Variants in HTN1 observed in about 807,000 individuals in gnomAD.
HTN1 encodes histatin-1.
In HTN1, 18 loss-of-function variants were observed where a neutral mutation model predicts 11.2. That is an observed-to-expected ratio of 1.61 (90% CI 1.12 to 2.39). The LOEUF (loss-of-function observed/expected upper bound fraction) is 2.39, where lower values mean the gene tolerates loss of function less well. HTN1 is among the 30% of genes most tolerant of loss of function. The pLI is 0.00. For synonymous variants in HTN1, 21 were observed against 20.5 expected (o/e 1.02, Z -0.07); for missense variants, 80 against 67.2 (o/e 1.19, Z -0.67).
intron 1 of HTN1, among the ~76,000 whole-genome samples, chr4:70,052,062 A>C (rs1307165600): frequency 6.6e-6 from 1 of 152,186 alleles, no homozygotes; most frequent in African/African-American, 2.4e-5. Context: ...GCATATACAT[A>C]ATTATAAAAG....
chr4:70,058,451 G>T (rs899930707), intron 5 of HTN1, 129 bp from the exon 6 acceptor site: 8 of 152,076 alleles, frequency 5.3e-5, no homozygotes, highest in Non-Finnish European at 8.8e-5. Flanking sequence ...ATATCAAATA[G>T]TATTTTGGTC....
At chr4:70,057,559 C>T (rs558946365) in intron 5 of HTN1, 33 of 152,236 alleles carry the variant, frequency 2.2e-4, no homozygotes, top group African/African-American at 7.9e-4. Flanking sequence ...AGCTTCTGTT[C>T]ACCAGTGTTA....
At chr4:70,053,184 C>T (rs1725944173) in intron 2 of HTN1, 57 bp downstream of exon 2, 1 of 1,134,210 alleles carries the variant, frequency 8.8e-7, no homozygotes, top group Non-Finnish European at 1.3e-6. Context: ...CCAAGTGTCT[C>T]TCTTATTCCT....
chr4:70,053,014 T>C (rs536767209), intron 1 of HTN1, 50 bp from the exon 2 acceptor site: 1 of 1,073,584 alleles, frequency 9.3e-7, no homozygotes, highest in African/African-American at 1.6e-5. Context: ...GTTTGATGAA[T>C]GAATGCATGA....
intron 4 of HTN1, among the ~76,000 whole-genome samples, chr4:70,055,216 G>T (rs1726005920): frequency 6.6e-6 from 1 of 151,964 alleles, no homozygotes; most frequent in Non-Finnish European, 1.5e-5. Flanking sequence ...TTTTAAAGAA[G>T]ATTTGAACCC....
At chr4:70,050,823 G>C (rs1185222496) in intron 1 of HTN1, among the ~76,000 whole-genome samples, 1 of 151,936 alleles carries the variant, frequency 6.6e-6, no homozygotes, top group Non-Finnish European at 1.5e-5. Flanking sequence ...ATGCAGATTT[G>C]TTGCATTGGT....
intron 1 of HTN1, among the ~76,000 whole-genome samples, chr4:70,052,034 A>G (rs13148839): frequency 0.52 from 78,401 of 151,956 alleles, 20,985 homozygotes; most frequent in East Asian, 0.64. Flanking sequence ...TATATCTGCA[A>G]AGGAACTGGA....
intron 1 of HTN1, among the ~76,000 whole-genome samples, chr4:70,051,187 A>G (rs2109724830): frequency 6.6e-6 from 1 of 152,278 alleles, no homozygotes; most frequent in East Asian, 1.9e-4. Flanking sequence ...TCTCTTGGTA[A>G]ATATATTATT....
At chr4:70,057,654 C>T (rs1480295870) in intron 5 of HTN1, 3 of 152,032 alleles carry the variant, frequency 2.0e-5, no homozygotes, top group African/African-American at 4.8e-5. Flanking sequence ...GTTTTCTAAT[C>T]GACAAATACA....
In HTN1 at chr4:70,058,802, A is replaced by G. The variant is rs1037257843; in HGVS notation, c.*256A>G. ...GTTTTCACTGCTGTTTCTGAGTAAT[A>G]GAAATTCATTCCTCTCCAAAAGCAA... On this transcript the variant is annotated 3_prime_UTR_variant, in exon 6 of 6. Coordinates refer to ENST00000246896, the MANE Select transcript of HTN1 (RefSeq NM_002159.4). 6.6e-6 allele frequency: 1 copy of G among 152,196 alleles called. No homozygotes were observed. Among genetic ancestry groups the G allele is most frequent in the African/African-American group, 2.4e-5 (1 of 41,462 alleles). The allele number at this position is 152,196 out of a possible 1,614,324, so 9.4% of individuals were successfully genotyped here.
intron 4 of HTN1, among the ~76,000 whole-genome samples, chr4:70,054,727 A>G (rs1276023446): frequency 6.6e-6 from 1 of 152,036 alleles, no homozygotes; most frequent in Non-Finnish European, 1.5e-5. Flanking sequence ...CATTGACCTA[A>G]AGAATAGTTG....
At chr4:70,057,386 A>C (rs986994385) in intron 5 of HTN1, 18 of 151,408 alleles carry the variant, frequency 1.2e-4, no homozygotes, top group African/African-American at 4.4e-4. Context: ...GATGGAGGGG[A>C]GGGAGTAAGG....
intron 1 of HTN1, among the ~76,000 whole-genome samples, 153 bp downstream of exon 1, chr4:70,050,648 G>C: frequency 6.6e-6 from 1 of 151,914 alleles, no homozygotes; most frequent in East Asian, 1.9e-4. Flanking sequence ...TTACATTTTT[G>C]TATATTACCT....
chr4:70,052,998 A>G (rs1449949138), intron 1 of HTN1, 66 bp from the exon 2 acceptor site: 29 of 960,556 alleles, frequency 3.0e-5, no homozygotes, highest in African/African-American at 4.8e-5. Flanking sequence ...AGTGTCATCA[A>G]TAGAAGTTTG....
intron 1 of HTN1, among the ~76,000 whole-genome samples, chr4:70,051,416 T>C (rs1219931373): frequency 1.3e-5 from 2 of 152,164 alleles, no homozygotes; most frequent in Non-Finnish European, 2.9e-5. Context: ...TTTTTATTGA[T>C]GTGTTACTTG....
At chr4:70,056,718 TG>T (rs1726052482) in intron 5 of HTN1, 1 of 152,020 alleles carries the variant, frequency 6.6e-6, no homozygotes, top group African/African-American at 2.4e-5. Flanking sequence ...CATCTAAAAG[TG>T]GGCAAAGGAC....
chr4:70,055,481 CT>C lies in HTN1; in HGVS notation c.103-13del. Reference sequence around the variant, plus strand: ...TCTATTCTCTGCAATTTGCTCTCTCCTTTTGTGTGTATGCAGGAAAAGCATC... The same window carrying C: ...TCTATTCTCTGCAATTTGCTCTCTCCTTTGTGTGTATGCAGGAAAAGCATC... On this transcript the variant is annotated splice_polypyrimidine_tract_variant and intron_variant, in intron 4 of 5. Coordinates refer to ENST00000246896, the MANE Select transcript of HTN1 (RefSeq NM_002159.4). The C allele has an allele frequency of 6.4e-7, 1 of 1,558,672 alleles. No homozygotes were observed. Among genetic ancestry groups the C allele is most frequent in the Non-Finnish European group, 8.8e-7 (1 of 1,130,640 alleles).
At chr4:70,052,476 CCT>C (rs1451957302) in intron 1 of HTN1, among the ~76,000 whole-genome samples, 2 of 152,084 alleles carry the variant, frequency 1.3e-5, no homozygotes, top group African/African-American at 4.8e-5. Context: ...AACATGCTTT[CCT>C]CTCTGTTTTA....
intron 2 of HTN1, 84 bp downstream of exon 2, chr4:70,053,211 C>T: frequency 2.3e-6 from 2 of 861,296 alleles, no homozygotes; most frequent in Non-Finnish European, 3.9e-6. Context: ...CTGGTATATA[C>T]TCATGTTGAC....
Sources: allele counts gnomAD v4.1 joint callset (sites outside exome capture counted in the v4.1 genomes callset), GRCh38; gene constraint gnomAD v4.1.1; transcripts MANE v1.5; gene names NCBI Gene and HGNC (gene_info 2026-07-23, HGNC 2026-07-21).